DNAH3: variants seen among roughly 807,000 people sequenced by gnomAD.
DNAH3 encodes the protein dynein axonemal heavy chain 3.
DNAH3 carries 332 observed loss-of-function variants against 432.5 expected under a neutral mutation model. The ratio of observed to expected loss-of-function variants is 0.77; its 90% CI spans 0.70 to 0.84. The LOEUF (loss-of-function observed/expected upper bound fraction) is 0.84, where lower values mean the gene tolerates loss of function less well. DNAH3 is among the 40% of genes least tolerant of loss of function. DNAH3 has a pLI of 0.00. For synonymous variants in DNAH3, 1,956 were observed against 1,900.2 expected (o/e 1.03, Z -0.76); for missense variants, 4,861 against 5,114.0 (o/e 0.95, Z 1.51).
intron 46 of DNAH3, 32 bp downstream of exon 46, chr16:20,987,661 A>G (rs1407003905): frequency 1.2e-6 from 2 of 1,608,468 alleles, no homozygotes; most frequent in Non-Finnish European, 1.7e-6. Flanking sequence ...GATATGCTGA[A>G]TGATCTTGGT....
chr16:21,026,260 T>A (rs188696523), intron 38 of DNAH3, among the ~76,000 whole-genome samples: 1 of 152,168 alleles, frequency 6.6e-6, no homozygotes, highest in Non-Finnish European at 1.5e-5. Context: ...CTCCCACCAG[T>A]AGTGTGGACT....
chr16:21,060,828 CTTTTTTTTTTT>C (rs34315223), intron 25 of DNAH3, among the ~76,000 whole-genome samples: 1 of 118,266 alleles, frequency 8.5e-6, no homozygotes, highest in Non-Finnish European at 1.7e-5. Flanking sequence ...CTGGTCTCTT[CTTTTTTTTTTT>C]TTTTTTTTTA....
exon 43 of DNAH3, chr16:21,000,352 G>C: frequency 6.2e-7 from 1 of 1,614,150 alleles, no homozygotes; most frequent in African/African-American, 1.3e-5. Flanking sequence ...GATGCAGTTG[G>C]GTAGGTACGT....
intron 49 of DNAH3, among the ~76,000 whole-genome samples, chr16:20,980,200 ATATTTATTTATATTATTTATAT>A (rs1002007401): frequency 1.6e-5 from 2 of 127,690 alleles, no homozygotes; most frequent in African/African-American, 5.8e-5. Context: ...ATTTTATTAT[ATATTTATTTATATTATTTATAT>A]TATTTATTTA....
upstream of DNAH3, chr16:21,159,450 C>G: frequency 1.2e-6 from 2 of 1,612,746 alleles, no homozygotes; most frequent in Non-Finnish European, 1.7e-6. Flanking sequence ...ATCCCCCAAC[C>G]AGAGATGTGA....
At chr16:21,003,180 T>C in exon 42 of DNAH3, 1 of 1,610,042 alleles carries the variant, frequency 6.2e-7, no homozygotes. Flanking sequence ...ACTAGCTTGT[T>C]TGATAAAATA....
intron 10 of DNAH3, chr16:21,121,229 G>A: frequency 2.7e-6 from 1 of 371,894 alleles, no homozygotes; most frequent in Admixed American, 3.7e-5. Context: ...AGGAAAAGAT[G>A]GAGCTAAAAG....
intron 24 of DNAH3, 99 bp downstream of exon 24, chr16:21,067,184 G>T: frequency 7.7e-7 from 1 of 1,300,296 alleles, no homozygotes; most frequent in South Asian, 1.2e-5. Context: ...AAAGAGTATG[G>T]ACTAGATTGG....
intron 16 of DNAH3, among the ~76,000 whole-genome samples, chr16:21,101,401 T>C (rs1481607124): frequency 6.6e-6 from 1 of 152,182 alleles, no homozygotes; most frequent in Non-Finnish European, 1.5e-5. Context: ...ATATTTCATA[T>C]AAATAAATTC....
chr16:21,102,230 G>C (rs1447494873), intron 16 of DNAH3, among the ~76,000 whole-genome samples: 4 of 152,154 alleles, frequency 2.6e-5, no homozygotes, highest in Non-Finnish European at 2.9e-5. Flanking sequence ...ATGAGATCAA[G>C]CTGAGAGTCA....
At chr16:21,029,110 T>C (rs915651611) in intron 37 of DNAH3, among the ~76,000 whole-genome samples, 2 of 152,246 alleles carry the variant, frequency 1.3e-5, no homozygotes, top group African/African-American at 4.8e-5. Flanking sequence ...TCACTTATTA[T>C]GACTCTCTTG....
At chr16:20,964,109 C>A (rs372603277) in exon 53 of DNAH3, 1 of 1,614,154 alleles carries the variant, frequency 6.2e-7, no homozygotes, top group Non-Finnish European at 8.5e-7. Context: ...ACTTTGATGG[C>A]GGTTTCATCC....
intron 19 of DNAH3, among the ~76,000 whole-genome samples, chr16:21,083,723 G>A (rs942564635): frequency 2.0e-5 from 3 of 152,168 alleles, no homozygotes; most frequent in African/African-American, 7.2e-5. Flanking sequence ...GCCAGAGCTA[G>A]CATCTGTGGC....
At chr16:20,986,156 C>T (rs2086184696) in intron 47 of DNAH3, among the ~76,000 whole-genome samples, 1 of 151,716 alleles carries the variant, frequency 6.6e-6, no homozygotes, top group African/African-American at 2.4e-5. Context: ...GTGCCCGGCC[C>T]AGTCTTTTTG....
chr16:21,104,210 T>C, intron 16 of DNAH3: 1 of 326,214 alleles, frequency 3.1e-6, no homozygotes, highest in South Asian at 5.4e-5. Flanking sequence ...TTTTGCGTTT[T>C]TCTCTCTGCA....
exon 11 of DNAH3, chr16:21,120,773 G>A (rs150745728): frequency 1.1e-5 from 18 of 1,614,144 alleles, no homozygotes; most frequent in Non-Finnish European, 1.4e-5. Context: ...TGCATGCTGG[G>A]CTCTCCTGGC....
At chr16:21,088,184 C>T (rs924770022) in intron 18 of DNAH3, among the ~76,000 whole-genome samples, 11 of 151,894 alleles carry the variant, frequency 7.2e-5, no homozygotes, top group East Asian at 1.9e-4. Context: ...ATTTTTGTTG[C>T]GTGATTAAAA....
In DNAH3 at chr16:21,081,729, T is replaced by A. The variant is rs574916015; in HGVS notation, c.2878-2A>T. On this transcript the variant is annotated splice_acceptor_variant, in intron 19 of 61. Transcript: ENST00000261383. LOFTEE classifies it high-confidence loss of function. ...CTCATAGCCAACAATCTCACTGATC[T>A]GCAAAGAAAAGAGGAAAGCAAATGT... The A allele has an allele frequency of 6.2e-7, 1 of 1,613,080 alleles. No homozygotes were observed. Among genetic ancestry groups the A allele is most frequent in the East Asian group, 2.2e-5 (1 of 44,864 alleles).
At chr16:21,033,898 TG>T in intron 36 of DNAH3, 75 bp downstream of exon 36, 1 of 983,944 alleles carries the variant, frequency 1.0e-6, no homozygotes, top group Non-Finnish European at 1.6e-6. Context: ...ACTAGCAGCC[TG>T]GCATTATCTC....
Sources: gnomAD v4.1 joint callset for allele counts (sites outside exome capture counted in the v4.1 genomes callset) on GRCh38, gnomAD v4.1.1 for gene constraint, MANE v1.5 for transcripts, NCBI Gene and HGNC (gene_info 2026-07-23, HGNC 2026-07-21) for gene names.